Variants in ZFP82 observed in about 807,000 individuals in gnomAD.
The protein encoded by ZFP82 is zinc finger protein 82 homolog.
ZFP82 carries 30 observed loss-of-function variants against 54.0 expected under a neutral mutation model. That is an observed-to-expected ratio of 0.56 (90% CI 0.42 to 0.75). The LOEUF (loss-of-function observed/expected upper bound fraction) is 0.75, where lower values mean the gene tolerates loss of function less well. ZFP82 is among the 30% of genes least tolerant of loss of function. ZFP82 has a pLI of 0.00. For missense variants in ZFP82, 500 were observed against 636.8 expected, an observed-to-expected ratio of 0.79 and a Z score of 2.31; for synonymous variants, 194 against 209.5, an observed-to-expected ratio of 0.93 and a Z score of 0.64.
In ZFP82 at chr19:36,389,233, TC is replaced by T. The variant is rs1031491984; in HGVS notation, c.*3507del. On this transcript the variant is annotated 3_prime_UTR_variant, in exon 5 of 5. Transcript: ENST00000392161. Reference sequence around the variant, plus strand: ...TTGTATTTTTAGTAGAGACAGAGTTTCACCATGTTGGCCAGGATGGTCTTGA... The same window carrying T: ...TTGTATTTTTAGTAGAGACAGAGTTTACCATGTTGGCCAGGATGGTCTTGA... Among the ~76,000 whole-genome samples, 3 of 152,082 alleles carry T rather than the reference TC, an allele frequency of 2.0e-5. No homozygotes were observed. Among genetic ancestry groups the T allele is most frequent in the African/African-American group, 7.2e-5 (3 of 41,406 alleles).
At chr19:36,400,632 C>A (rs1310092620) in intron 4 of ZFP82, among the ~76,000 whole-genome samples, 2 of 152,146 alleles carry the variant, frequency 1.3e-5, no homozygotes, top group Admixed American at 6.5e-5. Flanking sequence ...CCCTTTTATT[C>A]CCCCTTACTC....
chr19:36,403,185 T>C lies in ZFP82; in HGVS notation c.229+2395A>G, dbSNP rs111295722. Among the ~76,000 whole-genome samples, 316 of 151,418 alleles carry C rather than the reference T, an allele frequency of 2.1e-3. 1 individual carries two copies. Among genetic ancestry groups the C allele is most frequent in the African/African-American group, 7.4e-3 (307 of 41,288 alleles). On this transcript the variant is annotated intron_variant, in intron 4 of 4. Transcript: ENST00000392161. The stretch of plus-strand genomic sequence containing the variant: ...AACAACAAAAAAAATTATCCAGGCA[T>C]GGTGGCAGGCACCTGTAATCCCAGC...
chr19:36,409,888 C>A, intron 1 of ZFP82, 21 bp from the exon 2 acceptor site: 1 of 1,308,520 alleles, frequency 7.6e-7, no homozygotes, highest in South Asian at 1.2e-5. Flanking sequence ...GAAAACAAGG[C>A]CATGAGATCA....
Position 36,393,358 on chromosome 19 carries a change from G to A in ZFP82, c.982C>T (p.His328Tyr). 2 of 1,614,100 alleles carry A rather than the reference G, an allele frequency of 1.2e-6. No homozygotes were observed. The highest frequency in any genetic ancestry group is 8.5e-7 in the Non-Finnish European group (1 of 1,180,022). ...TTCTCACCAGTATGAAGTTTGTGATGTACTCTAAGACCAGAGCCACACAAA... is the reference window on the plus strand; with the variant it reads ...TTCTCACCAGTATGAAGTTTGTGATATACTCTAAGACCAGAGCCACACAAA... ...AFLCGSGLRV[H>Y]HKLHTGEKPY... The change falls in exon 5 of 5, where the codon CAT (histidine) becomes TAT (tyrosine). Residue 328 changes from histidine to tyrosine, a missense_variant. By Grantham distance (83) the His-to-Tyr change is moderately conservative. Coordinates refer to ENST00000392161, the MANE Select transcript of ZFP82 (RefSeq NM_133466.4).
intron 1 of ZFP82, among the ~76,000 whole-genome samples, chr19:36,418,130 C>A (rs1600115213): frequency 6.6e-6 from 1 of 151,928 alleles, no homozygotes; most frequent in Non-Finnish European, 1.5e-5. Context: ...GCTGCCCAGG[C>A]TGGTCTCGAA....
In ZFP82 at chr19:36,407,226, G is replaced by A. The variant is rs373127633; in HGVS notation, c.136+661C>T. On this transcript the variant is annotated intron_variant, in intron 3 of 4. Transcript: ENST00000392161. ...CAAGTAGCTGGGACTACAGGCGCCC[G>A]CCACTACGCCCGGCTAATTTTTTGT... Among the ~76,000 whole-genome samples the A allele has an allele frequency of 2.9e-3, 437 of 151,018 alleles. 4 individuals carry two copies. Among genetic ancestry groups the A allele is most frequent in the African/African-American group, 8.5e-3 (349 of 41,170 alleles).
Position 36,393,568 on chromosome 19 carries a change from C to G in ZFP82, c.772G>C (p.Glu258Gln). Residue 258 changes from glutamate to glutamine, a missense_variant, in exon 5 of 5, where the codon GAA becomes CAA. Physicochemically the swap from Glu to Gln is conservative, Grantham distance 29 (BLOSUM62 2). Coordinates refer to ENST00000392161, the MANE Select transcript of ZFP82 (RefSeq NM_133466.4). ...HIGEKPYECK[E>Q]CGKAFRVRGQ... The stretch of plus-strand genomic sequence containing the variant: ...CGTACCCTAAAAGCCTTCCCACATT[C>G]TTTACATTCATAGGGCTTCTCACCA... The G allele has an allele frequency of 6.2e-7, 1 of 1,614,182 alleles. No individual in the cohort carries two copies. Among genetic ancestry groups the G allele is most frequent in the East Asian group, 2.2e-5 (1 of 44,870 alleles).
Position 36,405,672 on chromosome 19 carries a change from C to G in ZFP82, c.137G>C (p.Gly46Ala). Residue 46 changes from glycine to alanine, a missense_variant and splice_region_variant, in exon 4 of 5, where the codon GGA becomes GCA. Transcript: ENST00000392161. ...LENYSNLVSL[G>A]CFISKPDVIS... Reference sequence around the variant, plus strand: ...CACATCTGGTTTAGAAATGAAGCATCCTGCTTAGAAGAAAAGGAATATAAG... The same window carrying G: ...CACATCTGGTTTAGAAATGAAGCATGCTGCTTAGAAGAAAAGGAATATAAG... 6.3e-7 allele frequency: 1 copy of G among 1,593,156 alleles called. No homozygotes were observed. The highest frequency in any genetic ancestry group is 8.6e-7 in the Non-Finnish European group (1 of 1,166,206).
chr19:36,394,592 A>G (rs1242290149), intron 4 of ZFP82: 1 of 162,196 alleles, frequency 6.2e-6, no homozygotes, highest in Non-Finnish European at 1.3e-5. Flanking sequence ...ATCTCAAACC[A>G]GTGTCCCCTT....
rs1287831654 is a variant in ZFP82, at chr19:36,390,138, T to C, written c.*2603A>G. Among the ~76,000 whole-genome samples the C allele has an allele frequency of 1.3e-5, 2 of 152,126 alleles. No homozygotes were observed. Among genetic ancestry groups the C allele is most frequent in the Admixed American group, 1.3e-4 (2 of 15,258 alleles). On this transcript the variant is annotated 3_prime_UTR_variant, in exon 5 of 5. Transcript: ENST00000392161. ...TTACGTGACCCTGCATGCCATGCCATGCCTCCCGTTTGTGGGATCTGCGTA... is the reference window on the plus strand; with the variant it reads ...TTACGTGACCCTGCATGCCATGCCACGCCTCCCGTTTGTGGGATCTGCGTA...
chr19:36,407,186 C>T (rs1332593673), intron 3 of ZFP82, among the ~76,000 whole-genome samples: 2 of 149,842 alleles, frequency 1.3e-5, no homozygotes, highest in Non-Finnish European at 3.0e-5. Context: ...ACGCCATTCT[C>T]CTGCCTCAGC....
At chr19:36,405,716 T>A (rs1306194963) in intron 3 of ZFP82, 44 bp from the exon 4 acceptor site, 5 of 1,423,880 alleles carry the variant, frequency 3.5e-6, no homozygotes, top group Non-Finnish European at 4.8e-6. Context: ...AAATAAAAAA[T>A]AAATCAAAAT....
chr19:36,394,141 T>C (rs1387963029), intron 4 of ZFP82, 31 bp from the exon 5 acceptor site: 2 of 1,561,214 alleles, frequency 1.3e-6, no homozygotes, highest in African/African-American at 2.8e-5. Flanking sequence ...AAACACATGC[T>C]GTTTTCTTTT....
chr19:36,386,624 G>C (rs2032117901), downstream of ZFP82, among the ~76,000 whole-genome samples: 2 of 152,208 alleles, frequency 1.3e-5, no homozygotes, highest in Admixed American at 1.3e-4. Context: ...TTAAGGAAGG[G>C]TCTTCTGGAG....
Position 36,407,881 on chromosome 19 carries a change from C to A in ZFP82, c.136+6G>T, listed in dbSNP as rs373163775. 8 of 1,613,506 alleles carry A rather than the reference C, an allele frequency of 5.0e-6. No individual in the cohort carries two copies. The highest frequency in any genetic ancestry group is 4.0e-5 in the African/African-American group (3 of 74,900). On this transcript the variant is annotated splice_donor_region_variant and intron_variant, in intron 3 of 4. Coordinates refer to ENST00000392161, the MANE Select transcript of ZFP82 (RefSeq NM_133466.4). ...AGTCTAAATTCCTAGAAGCAGATAA[C>A]CTTACCCAGTGAGACCAAGTTGCTG...
intron 4 of ZFP82, among the ~76,000 whole-genome samples, chr19:36,403,061 T>A (rs553878083): frequency 1.3e-5 from 2 of 151,906 alleles, no homozygotes; most frequent in South Asian, 4.2e-4. Context: ...GAGAATGGCA[T>A]GAACCTGGGA....
intron 4 of ZFP82, chr19:36,395,255 A>G (rs1453023102): frequency 6.6e-6 from 1 of 152,212 alleles, no homozygotes; most frequent in Non-Finnish European, 1.5e-5. Context: ...CTACCTACTC[A>G]ATCTTCCCTT....
chr19:36,398,493 C>T (rs965347372), intron 4 of ZFP82, among the ~76,000 whole-genome samples: 4 of 150,126 alleles, frequency 2.7e-5, no homozygotes, highest in Non-Finnish European at 5.9e-5. Context: ...GCCAAGATCA[C>T]GCCACTGCAC....
In ZFP82 at chr19:36,390,000, T is replaced by C. The variant is rs1408461285; in HGVS notation, c.*2741A>G. ...TACTCAAACTATTCAATCCTAAGCT[T>C]ACCAGTGTGCCTACCCCTGCCTTGT... On this transcript the variant is annotated 3_prime_UTR_variant, in exon 5 of 5. Coordinates refer to ENST00000392161, the MANE Select transcript of ZFP82 (RefSeq NM_133466.4). Among the ~76,000 whole-genome samples, 3 of 152,172 alleles carry C rather than the reference T, an allele frequency of 2.0e-5. No homozygotes were observed. The highest frequency in any genetic ancestry group is 7.2e-5 in the African/African-American group (3 of 41,452).
Sources: allele counts gnomAD v4.1 joint callset (sites outside exome capture counted in the v4.1 genomes callset), GRCh38; gene constraint gnomAD v4.1.1; transcripts MANE v1.5; gene names NCBI Gene and HGNC (gene_info 2026-07-23, HGNC 2026-07-21).